The following ADK variants were observed in gnomAD, a reference collection of about 807,000 sequenced individuals.
The protein encoded by ADK is adenosine kinase.
Under a neutral mutation model 44.7 loss-of-function variants are expected in ADK, and 24 were observed. That is an observed-to-expected ratio of 0.54 (90% CI 0.39 to 0.76). The LOEUF is 0.76. Ranked by LOEUF, ADK falls within the 30% of genes least tolerant of loss-of-function variation. The pLI, the probability that ADK is intolerant of heterozygous loss-of-function variation, is 0.00. For missense variants in ADK, 321 were observed against 425.1 expected, an observed-to-expected ratio of 0.76 and a Z score of 2.15; for synonymous variants, 128 against 142.6, an observed-to-expected ratio of 0.90 and a Z score of 0.73.
intron 10 of ADK, among the ~76,000 whole-genome samples, chr10:74,679,675 G>GT (rs1313832422): frequency 6.6e-6 from 1 of 151,948 alleles, no homozygotes; most frequent in Non-Finnish European, 1.5e-5. Flanking sequence ...AAGAAGATGA[G>GT]TATAGGCCAG....
At chr10:74,520,861 T>G (rs1262494349) in intron 6 of ADK, among the ~76,000 whole-genome samples, 3 of 152,156 alleles carry the variant, frequency 2.0e-5, no homozygotes, top group Non-Finnish European at 4.4e-5. Flanking sequence ...CACTTCATTC[T>G]CAGTTCTAAT....
intron 5 of ADK, among the ~76,000 whole-genome samples, chr10:74,397,141 G>T (rs1365172563): frequency 6.6e-6 from 1 of 151,748 alleles, no homozygotes; most frequent in Non-Finnish European, 1.5e-5. Context: ...TTATAAATTA[G>T]GTCTAAATTT....
chr10:74,566,952 G>A (rs570221577), intron 7 of ADK, among the ~76,000 whole-genome samples: 92 of 152,256 alleles, frequency 6.0e-4, no homozygotes, highest in African/African-American at 2.2e-3. Flanking sequence ...TTTGCTTAAC[G>A]AGACCTCCTA....
chr10:74,642,331 T>C (rs1046318723), intron 9 of ADK, among the ~76,000 whole-genome samples: 7 of 151,672 alleles, frequency 4.6e-5, no homozygotes, highest in Non-Finnish European at 7.4e-5. Flanking sequence ...TTCTTTTTTT[T>C]CCTGGCTTAC....
intron 9 of ADK, among the ~76,000 whole-genome samples, chr10:74,616,529 A>G (rs1564821046): frequency 1.3e-5 from 2 of 152,178 alleles, no homozygotes; most frequent in African/African-American, 2.4e-5. Context: ...CATGTTTCAG[A>G]TGACCTTATA....
intron 6 of ADK, among the ~76,000 whole-genome samples, chr10:74,427,834 A>C (rs1844854743): frequency 6.6e-6 from 1 of 152,080 alleles, no homozygotes; most frequent in Non-Finnish European, 1.5e-5. Flanking sequence ...TGACACACCT[A>C]GCGTTATTTC....
At chr10:74,336,571 A>G (rs1841416421) in intron 4 of ADK, among the ~76,000 whole-genome samples, 1 of 152,200 alleles carries the variant, frequency 6.6e-6, no homozygotes, top group Admixed American at 6.5e-5. Flanking sequence ...GGTTTTCAAT[A>G]TGCAGGGGAA....
intron 4 of ADK, among the ~76,000 whole-genome samples, chr10:74,349,418 T>C (rs886624094): frequency 6.6e-6 from 1 of 152,150 alleles, no homozygotes; most frequent in Non-Finnish European, 1.5e-5. Context: ...AAGGAAGCAC[T>C]AAATGTGGAA....
intron 6 of ADK, among the ~76,000 whole-genome samples, chr10:74,406,741 T>G (rs1359866163): frequency 1.3e-5 from 2 of 151,616 alleles, no homozygotes; most frequent in Non-Finnish European, 2.9e-5. Flanking sequence ...AGTGCAGTGG[T>G]GCAATCTTGG....
At chr10:74,504,006 A>G (rs900318410) in intron 6 of ADK, among the ~76,000 whole-genome samples, 2 of 152,118 alleles carry the variant, frequency 1.3e-5, no homozygotes, top group Non-Finnish European at 2.9e-5. Context: ...TTTTCCAAGT[A>G]CTCTGAACCA....
At chr10:74,175,464 A>G (rs1024294024) in intron 1 of ADK, among the ~76,000 whole-genome samples, 1 of 152,206 alleles carries the variant, frequency 6.6e-6, no homozygotes, top group Admixed American at 6.5e-5. Flanking sequence ...TAAAATTTAA[A>G]TGAATTAAAA....
chr10:74,697,525 C>G (rs992333318), intron 10 of ADK, among the ~76,000 whole-genome samples: 1 of 152,182 alleles, frequency 6.6e-6, no homozygotes, highest in Non-Finnish European at 1.5e-5. Flanking sequence ...AGCTTGCTTA[C>G]TTGTTGACAA....
chr10:74,618,797 T>A (rs1852872310), intron 9 of ADK, among the ~76,000 whole-genome samples: 1 of 152,182 alleles, frequency 6.6e-6, no homozygotes, highest in Non-Finnish European at 1.5e-5. Flanking sequence ...CTTTTTAGAA[T>A]TTGTCAAACT....
At chr10:74,453,443 T>G (rs576323878) in intron 6 of ADK, among the ~76,000 whole-genome samples, 168 of 152,228 alleles carry the variant, frequency 1.1e-3, no homozygotes, top group African/African-American at 3.9e-3. Flanking sequence ...TTGTTTGTTC[T>G]CCCTGGCTTG....
At chr10:74,693,525 G>A (rs1285215938) in intron 10 of ADK, among the ~76,000 whole-genome samples, 1 of 152,096 alleles carries the variant, frequency 6.6e-6, no homozygotes, top group Non-Finnish European at 1.5e-5. Context: ...TTGCTATCAC[G>A]TGATAGCTAC....
intron 3 of ADK, among the ~76,000 whole-genome samples, chr10:74,272,556 T>TGAGCCAC: frequency 6.6e-6 from 1 of 152,360 alleles, no homozygotes; most frequent in East Asian, 1.9e-4. Context: ...ATTACAGGCA[T>TGAGCCAC]GAGCCACCAC....
chr10:74,593,006 T>C (rs551751632), intron 8 of ADK, among the ~76,000 whole-genome samples: 1 of 152,312 alleles, frequency 6.6e-6, no homozygotes, highest in Admixed American at 6.5e-5. Context: ...GAAAGTTTCA[T>C]TGATCAGCAT....
intron 1 of ADK, chr10:74,176,975 C>T: frequency 1.3e-6 from 2 of 1,553,642 alleles, no homozygotes; most frequent in South Asian, 1.2e-5. Context: ...CGCGGGTGGT[C>T]TGGAGCCTGC....
At chr10:74,610,520 A>G (rs910287189) in intron 9 of ADK, among the ~76,000 whole-genome samples, 2 of 152,162 alleles carry the variant, frequency 1.3e-5, no homozygotes, top group African/African-American at 2.4e-5. Flanking sequence ...TGAATGTACA[A>G]TGGCACTGAG....
Sources: gnomAD v4.1 joint callset for allele counts (sites outside exome capture counted in the v4.1 genomes callset) on GRCh38, gnomAD v4.1.1 for gene constraint, MANE v1.5 for transcripts, NCBI Gene and HGNC (gene_info 2026-07-23, HGNC 2026-07-21) for gene names.